The following EDIL3 variants were observed in gnomAD, a reference collection of about 807,000 sequenced individuals.
EDIL3 encodes the protein EGF-like repeat and discoidin I-like domain-containing protein 3.
Under a neutral mutation model 67.4 loss-of-function variants are expected in EDIL3, and 37 were observed. The observed-to-expected ratio is 0.55, with a 90% confidence interval of 0.42 to 0.72. EDIL3 has a LOEUF of 0.72. Among genes scored for constraint, EDIL3 ranks in the 30% least tolerant of loss-of-function variants. EDIL3 has a pLI of 0.00. For synonymous variants in EDIL3, 195 were observed against 196.3 expected, an observed-to-expected ratio of 0.99 and a Z score of 0.05; for missense variants, 527 against 586.3, an observed-to-expected ratio of 0.90 and a Z score of 1.04.
chr5:83,947,363 CTGTGTCTGTGTGTG>C (rs1046343730), intron 10 of EDIL3, among the ~76,000 whole-genome samples: 4 of 126,568 alleles, frequency 3.2e-5, no homozygotes, highest in Non-Finnish European at 5.2e-5. Context: ...GTGTCTGTGT[CTGTGTCTGTGTGTG>C]TGTGTGTGTG....
At chr5:84,017,662 T>C (rs2112187590) in intron 9 of EDIL3, among the ~76,000 whole-genome samples, 1 of 152,288 alleles carries the variant, frequency 6.6e-6, no homozygotes, top group African/African-American at 2.4e-5. Flanking sequence ...AAATGTATAA[T>C]GAAACATGAC....
At chr5:84,306,219 T>G (rs1162447582) in intron 1 of EDIL3, among the ~76,000 whole-genome samples, 1 of 152,204 alleles carries the variant, frequency 6.6e-6, no homozygotes, top group East Asian at 1.9e-4. Flanking sequence ...AAGAAGGTCA[T>G]TGGCTTAAGC....
chr5:83,980,499 T>A (rs1355613139), intron 9 of EDIL3, among the ~76,000 whole-genome samples: 1 of 151,592 alleles, frequency 6.6e-6, no homozygotes, highest in Non-Finnish European at 1.5e-5. Context: ...AAGACCATCC[T>A]GGCCAACATG....
At chr5:84,136,681 G>T (rs1233559007) in intron 5 of EDIL3, among the ~76,000 whole-genome samples, 1 of 152,060 alleles carries the variant, frequency 6.6e-6, no homozygotes, top group Admixed American at 6.6e-5. Flanking sequence ...TATAACAGAG[G>T]CTAACTGATT....
chr5:83,955,635 G>A (rs1366662466), intron 10 of EDIL3, among the ~76,000 whole-genome samples: 1 of 151,630 alleles, frequency 6.6e-6, no homozygotes, highest in Non-Finnish European at 1.5e-5. Flanking sequence ...TCTGTACTAG[G>A]TGGTTATCTG....
intron 2 of EDIL3, among the ~76,000 whole-genome samples, chr5:84,246,184 TC>T (rs1744906582): frequency 6.6e-6 from 1 of 152,200 alleles, no homozygotes; most frequent in African/African-American, 2.4e-5. Flanking sequence ...CACAAACTCC[TC>T]CCCTTCTTGC....
At chr5:84,049,294 G>A (rs1746286411) in intron 9 of EDIL3, among the ~76,000 whole-genome samples, 1 of 136,422 alleles carries the variant, frequency 7.3e-6, no homozygotes, top group African/African-American at 2.8e-5. Context: ...GAATATATAT[G>A]CAAATCTTCA....
intron 9 of EDIL3, among the ~76,000 whole-genome samples, chr5:83,991,686 G>A (rs1466997600): frequency 1.3e-5 from 2 of 152,150 alleles, no homozygotes; most frequent in Non-Finnish European, 2.9e-5. Context: ...CATTGTGGTT[G>A]TATGTAATCA....
chr5:84,174,603 G>T (rs531416986), intron 4 of EDIL3, among the ~76,000 whole-genome samples: 3 of 152,272 alleles, frequency 2.0e-5, no homozygotes, highest in South Asian at 4.1e-4. Context: ...AGGGTCCAAG[G>T]TTCAAGCGTT....
intron 9 of EDIL3, among the ~76,000 whole-genome samples, chr5:84,023,132 G>C (rs896531157): frequency 9.9e-5 from 15 of 151,934 alleles, no homozygotes; most frequent in Middle Eastern, 3.2e-3. Flanking sequence ...CGTACAACAC[G>C]AGTGATGATG....
intron 6 of EDIL3, among the ~76,000 whole-genome samples, chr5:84,095,917 C>T (rs970201228): frequency 2.6e-5 from 4 of 152,140 alleles, no homozygotes; most frequent in Non-Finnish European, 4.4e-5. Context: ...TGGGCTGGGC[C>T]CAGGGTCCCC....
chr5:84,145,837 T>C (rs555106677), intron 4 of EDIL3, among the ~76,000 whole-genome samples: 1 of 152,034 alleles, frequency 6.6e-6, no homozygotes, highest in African/African-American at 2.4e-5. Flanking sequence ...CACATTTATC[T>C]AGAAACCCTA....
intron 5 of EDIL3, among the ~76,000 whole-genome samples, chr5:84,122,779 G>A (rs1164117006): frequency 2.0e-5 from 3 of 151,856 alleles, no homozygotes; most frequent in Non-Finnish European, 4.4e-5. Flanking sequence ...TGTGTTCTCC[G>A]TCACCGTTGT....
intron 2 of EDIL3, among the ~76,000 whole-genome samples, chr5:84,232,107 G>A (rs770900613): frequency 7.9e-5 from 12 of 152,152 alleles, no homozygotes; most frequent in Non-Finnish European, 1.2e-4. Flanking sequence ...ACAAAGTGCT[G>A]ATTCCGTTTC....
intron 5 of EDIL3, among the ~76,000 whole-genome samples, chr5:84,127,425 T>G (rs564365867): frequency 1.6e-4 from 25 of 152,246 alleles, no homozygotes; most frequent in South Asian, 4.1e-4. Context: ...TTTTAGGACT[T>G]TAGTCACCTT....
chr5:84,066,958 T>C (rs1746653943), intron 6 of EDIL3, among the ~76,000 whole-genome samples: 1 of 152,226 alleles, frequency 6.6e-6, no homozygotes, highest in Non-Finnish European at 1.5e-5. Context: ...CTCAGTGTCA[T>C]TACTATAAAA....
chr5:83,995,365 T>C (rs1316836715), intron 9 of EDIL3, among the ~76,000 whole-genome samples: 1 of 152,126 alleles, frequency 6.6e-6, no homozygotes, highest in Non-Finnish European at 1.5e-5. Flanking sequence ...AGGCATTTAT[T>C]CCACGAGGGT....
chr5:84,124,258 T>C (rs1747825797), intron 5 of EDIL3, among the ~76,000 whole-genome samples: 2 of 151,978 alleles, frequency 1.3e-5, no homozygotes, highest in African/African-American at 2.4e-5. Flanking sequence ...GGAAGACACG[T>C]TGTAGAAAGA....
chr5:84,350,688 C>T (rs894849026), intron 1 of EDIL3, among the ~76,000 whole-genome samples: 1 of 151,648 alleles, frequency 6.6e-6, no homozygotes, highest in Non-Finnish European at 1.5e-5. Context: ...AAAAATATTC[C>T]ATGGACACAT....
Sources: allele counts gnomAD v4.1 joint callset (sites outside exome capture counted in the v4.1 genomes callset), GRCh38; gene constraint gnomAD v4.1.1; transcripts MANE v1.5; gene names NCBI Gene and HGNC (gene_info 2026-07-23, HGNC 2026-07-21).